STK3: variants seen among roughly 807,000 people sequenced by gnomAD.
The protein encoded by STK3 is serine/threonine kinase 3.
Under a neutral mutation model 58.0 loss-of-function variants are expected in STK3, and 41 were observed. That is an observed-to-expected ratio of 0.71 (90% CI 0.55 to 0.92). The LOEUF (loss-of-function observed/expected upper bound fraction) is 0.92. Ranked by LOEUF, STK3 falls within the 40% of genes least tolerant of loss-of-function variation. The pLI, the probability that STK3 is intolerant of heterozygous loss-of-function variation, is 0.00. For missense variants in STK3, 479 were observed against 602.7 expected (o/e 0.79, Z 2.15); for synonymous variants, 170 against 191.0 (o/e 0.89, Z 0.91).
intron 8 of STK3, among the ~76,000 whole-genome samples, chr8:98,577,256 G>A (rs1813484698): frequency 6.6e-6 from 1 of 152,160 alleles, no homozygotes; most frequent in Non-Finnish European, 1.5e-5. Context: ...GGAGGCCGAG[G>A]TGGGTGGAAC....
At chr8:98,674,773 TC>T (rs1823077167) in intron 6 of STK3, among the ~76,000 whole-genome samples, 1 of 152,172 alleles carries the variant, frequency 6.6e-6, no homozygotes, top group South Asian at 2.1e-4. Context: ...ATTCGTATCT[TC>T]CGTTTCTTTG....
the STK3 span, among the ~76,000 whole-genome samples, chr8:98,349,680 T>C: frequency 3.3e-5 from 5 of 152,202 alleles, no homozygotes. Context: ...AGGCTGAGGT[T>C]CCCAAACCTC....
At chr8:98,589,779 G>T (rs559096809) in intron 7 of STK3, among the ~76,000 whole-genome samples, 1 of 152,238 alleles carries the variant, frequency 6.6e-6, no homozygotes, top group Non-Finnish European at 1.5e-5. Context: ...CTCTGAGCCA[G>T]GTGCGGGATA....
chr8:98,780,575 A>AT (rs1323960410), intron 1 of STK3, among the ~76,000 whole-genome samples: 2 of 151,960 alleles, frequency 1.3e-5, no homozygotes, highest in African/African-American at 4.8e-5. Flanking sequence ...AGTCTATTTG[A>AT]TTTTTTGCCA....
intron 3 of STK3, among the ~76,000 whole-genome samples, chr8:98,873,127 G>A (rs532349438): frequency 1.3e-5 from 2 of 152,234 alleles, no homozygotes; most frequent in East Asian, 1.9e-4. Context: ...AGGTTGTTCA[G>A]TTTCCATGTA....
intron 3 of STK3, among the ~76,000 whole-genome samples, chr8:98,854,127 C>T (rs1836580142): frequency 6.6e-6 from 1 of 151,408 alleles, no homozygotes; most frequent in Non-Finnish European, 1.5e-5. Context: ...AGAAGTAAAA[C>T]TATATTTATT....
At chr8:98,402,848 A>G (rs1435581963) in intron 3 of STK3, among the ~76,000 whole-genome samples, 1 of 152,192 alleles carries the variant, frequency 6.6e-6, no homozygotes, top group Non-Finnish European at 1.5e-5. Flanking sequence ...TGTTCCAAGC[A>G]GAGCCCCAGG....
At chr8:98,589,139 G>A (rs1248731540) in intron 7 of STK3, among the ~76,000 whole-genome samples, 8,725 of 88,726 alleles carry the variant, frequency 0.098, no homozygotes, top group South Asian at 0.11. Context: ...CGTTGCTGGT[G>A]AGGAACTGCA....
At chr8:98,666,361 A>G (rs964560307) in intron 6 of STK3, among the ~76,000 whole-genome samples, 1 of 152,182 alleles carries the variant, frequency 6.6e-6, no homozygotes, top group South Asian at 2.1e-4. Context: ...TGTAAGAAAA[A>G]GTAACCTTAT....
At chr8:98,423,384 A>G (rs28592805) in intron 3 of STK3, among the ~76,000 whole-genome samples, 22 of 152,058 alleles carry the variant, frequency 1.4e-4, no homozygotes, top group African/African-American at 4.8e-4. Flanking sequence ...GGCCCTGCAC[A>G]GGGAGCAAAG....
intron 10 of STK3, among the ~76,000 whole-genome samples, chr8:98,500,667 T>C (rs900643659): frequency 1.3e-5 from 2 of 152,194 alleles, no homozygotes; most frequent in African/African-American, 4.8e-5. Flanking sequence ...TGTTTGATTT[T>C]CCGTCCTTGT....
intron 6 of STK3, among the ~76,000 whole-genome samples, chr8:98,660,490 C>A (rs946541148): frequency 4.1e-4 from 63 of 151,900 alleles, no homozygotes; most frequent in African/African-American, 1.5e-3. Context: ...ATTTTTCTTA[C>A]GGGCAAAGAA....
At chr8:98,463,819 G>A (rs985380764) in intron 10 of STK3, among the ~76,000 whole-genome samples, 4 of 152,038 alleles carry the variant, frequency 2.6e-5, no homozygotes, top group African/African-American at 9.7e-5. Flanking sequence ...TAGCAGAAAC[G>A]GGAATATGAA....
chr8:98,684,632 T>C (rs755297981), intron 6 of STK3, among the ~76,000 whole-genome samples: 10 of 152,170 alleles, frequency 6.6e-5, no homozygotes, highest in Non-Finnish European at 1.5e-4. Flanking sequence ...GTGAAGTAGA[T>C]GGATGAGGGT....
chr8:98,813,035 T>TA (rs11379449), intron 1 of STK3, among the ~76,000 whole-genome samples: 105,023 of 146,470 alleles, frequency 0.72, 37,060 homozygotes, highest in South Asian at 0.81. Context: ...TAAAGCACAA[T>TA]AAAAAAAAAA....
intron 4 of STK3, among the ~76,000 whole-genome samples, chr8:98,741,233 T>C (rs1393486247): frequency 2.6e-5 from 4 of 152,254 alleles, no homozygotes; most frequent in South Asian, 2.1e-4. Flanking sequence ...CTCAGCTGTG[T>C]ACCAAGTGGA....
intron 10 of STK3, among the ~76,000 whole-genome samples, chr8:98,479,999 A>C (rs1821716431): frequency 6.6e-6 from 1 of 152,200 alleles, no homozygotes; most frequent in African/African-American, 2.4e-5. Flanking sequence ...AAGATGACAA[A>C]AAATTGATTG....
chr8:98,350,505 G>T, the STK3 span, among the ~76,000 whole-genome samples: 1 of 152,122 alleles, frequency 6.6e-6, no homozygotes, highest in Non-Finnish European at 1.5e-5. Flanking sequence ...TTTCAGCAGT[G>T]CCCCACTCTA....
At chr8:98,929,416 G>C (rs1839929356) in intron 1 of STK3, among the ~76,000 whole-genome samples, 1 of 152,228 alleles carries the variant, frequency 6.6e-6, no homozygotes, top group South Asian at 2.1e-4. Context: ...CCAGCACTTT[G>C]GGAGGCCAAG....
Sources: allele counts gnomAD v4.1 joint callset (sites outside exome capture counted in the v4.1 genomes callset), GRCh38; gene constraint gnomAD v4.1.1; transcripts MANE v1.5; gene names NCBI Gene and HGNC (gene_info 2026-07-23, HGNC 2026-07-21).